Variants in MTCL2 observed in about 807,000 individuals in gnomAD.
MTCL2 encodes the protein microtubule cross-linking factor 2.
the MTCL2 span, among the ~76,000 whole-genome samples, chr20:36,831,036 A>G: frequency 0.034 from 5,136 of 152,296 alleles, 337 homozygotes; most frequent in African/African-American, 0.12. Context: ...ATCCTGGTCC[A>G]GGACTCTGTA....
the MTCL2 span, among the ~76,000 whole-genome samples, chr20:36,823,190 G>A: frequency 6.6e-6 from 1 of 152,178 alleles, no homozygotes; most frequent in African/African-American, 2.4e-5. Context: ...GAGATCACTT[G>A]GGGGAGAAAA....
the MTCL2 span, among the ~76,000 whole-genome samples, chr20:36,787,417 G>A: frequency 1.3e-5 from 2 of 151,748 alleles, no homozygotes; most frequent in Admixed American, 1.3e-4. Flanking sequence ...TAGTAGAGAG[G>A]GGATTTTAGC....
At chr20:36,808,612 G>C in the MTCL2 span, 4 of 1,611,916 alleles carry the variant, frequency 2.5e-6, no homozygotes, top group South Asian at 1.1e-5. Context: ...AGTTGTGCTT[G>C]AATTGCTGGG....
chr20:36,841,864 T>G, the MTCL2 span, among the ~76,000 whole-genome samples: 19 of 100,158 alleles, frequency 1.9e-4, no homozygotes, highest in South Asian at 7.1e-4. Context: ...ACATCGGGGG[T>G]GGGGGGTGGG....
At chr20:36,786,609 G>T in the MTCL2 span, 1 of 1,550,876 alleles carries the variant, frequency 6.4e-7, no homozygotes, top group Non-Finnish European at 8.7e-7. Context: ...GGAGGTGAGA[G>T]ACTGGGTACT....
the MTCL2 span, among the ~76,000 whole-genome samples, chr20:36,843,976 G>A: frequency 2.1e-3 from 317 of 152,226 alleles, no homozygotes; most frequent in African/African-American, 7.4e-3. Context: ...GATGGCTCAC[G>A]CCTGTAATCC....
At chr20:36,851,885 T>TC in the MTCL2 span, among the ~76,000 whole-genome samples, 5 of 152,114 alleles carry the variant, frequency 3.3e-5, no homozygotes, top group Non-Finnish European at 5.9e-5. Flanking sequence ...CCTGTTCTAC[T>TC]CCCCTACAGA....
the MTCL2 span, among the ~76,000 whole-genome samples, chr20:36,828,280 G>A: frequency 2.6e-5 from 4 of 152,152 alleles, no homozygotes; most frequent in South Asian, 2.1e-4. Flanking sequence ...GTTTCTAGCC[G>A]GCATTCTGCA....
At chr20:36,805,753 A>G in the MTCL2 span, 2 of 1,068,992 alleles carry the variant, frequency 1.9e-6, no homozygotes, top group Non-Finnish European at 1.3e-6. Flanking sequence ...TGCAACTTCA[A>G]TGTCCAGGAA....
chr20:36,793,745 C>T, the MTCL2 span: 1 of 1,542,372 alleles, frequency 6.5e-7, no homozygotes, highest in Non-Finnish European at 8.7e-7. The surrounding 1 kb of genome is among the most constrained non-coding windows in gnomAD (Gnocchi z 6.8). Flanking sequence ...CACAGACCGC[C>T]TCTGGAGCTT....
the MTCL2 span, among the ~76,000 whole-genome samples, chr20:36,807,329 G>A: frequency 6.6e-6 from 1 of 152,276 alleles, no homozygotes; most frequent in African/African-American, 2.4e-5. Flanking sequence ...TGGCGTAAGT[G>A]GCAACTTGAG....
At chr20:36,827,156 C>T in the MTCL2 span, among the ~76,000 whole-genome samples, 291 of 151,832 alleles carry the variant, frequency 1.9e-3, no homozygotes, top group Middle Eastern at 0.01. Flanking sequence ...TCAAGAGATG[C>T]TCCTGCCTCA....
chr20:36,806,209 AT>A, the MTCL2 span, among the ~76,000 whole-genome samples: 1 of 152,178 alleles, frequency 6.6e-6, no homozygotes, highest in Non-Finnish European at 1.5e-5. Context: ...ACAATGCTAC[AT>A]AAGGGTGACC....
the MTCL2 span, chr20:36,797,391 G>T: frequency 9.1e-7 from 1 of 1,094,138 alleles, no homozygotes. Context: ...AAGGTGCAAG[G>T]GTGTGACCTA....
the MTCL2 span, among the ~76,000 whole-genome samples, chr20:36,844,971 A>G: frequency 6.7e-6 from 1 of 149,484 alleles, no homozygotes; most frequent in Non-Finnish European, 1.5e-5. Flanking sequence ...AGATCACACC[A>G]CTGCACTCCA....
chr20:36,785,889 T>C, the MTCL2 span: 25 of 985,920 alleles, frequency 2.5e-5, no homozygotes, highest in Admixed American at 6.1e-5. Flanking sequence ...CCCTGGCTAC[T>C]GCCCTATCAT....
chr20:36,841,648 T>A, the MTCL2 span, among the ~76,000 whole-genome samples: 1 of 151,942 alleles, frequency 6.6e-6, no homozygotes, highest in Non-Finnish European at 1.5e-5. Flanking sequence ...CTGACAGGAG[T>A]CAACCACATG....
the MTCL2 span, among the ~76,000 whole-genome samples, chr20:36,789,478 A>G: frequency 6.6e-6 from 1 of 152,114 alleles, no homozygotes; most frequent in Non-Finnish European, 1.5e-5. Context: ...CCTGGCCAAC[A>G]TGGTGAAACC....
chr20:36,793,462 C>T, the MTCL2 span: 18 of 1,551,118 alleles, frequency 1.2e-5, no homozygotes, highest in Non-Finnish European at 1.5e-5. This position sits in a 1 kb window ranked among gnomAD's most constrained non-coding sequence, Gnocchi z 6.8. Flanking sequence ...AGGTGGGGCT[C>T]GGTGCCCGGC....
Sources: allele counts gnomAD v4.1 joint callset (sites outside exome capture counted in the v4.1 genomes callset), GRCh38; gene constraint gnomAD v4.1.1; non-coding constraint Gnocchi (gnomAD v3.1); transcripts MANE v1.5; gene names NCBI Gene and HGNC (gene_info 2026-07-23, HGNC 2026-07-21).